ZSCAN1: variants seen among roughly 807,000 people sequenced by gnomAD.
ZSCAN1 encodes zinc finger and SCAN domain-containing protein 1.
ZSCAN1 carries 23 observed loss-of-function variants against 23.8 expected under a neutral mutation model. That is an observed-to-expected ratio of 0.97 (90% CI 0.70 to 1.37). ZSCAN1 has a LOEUF of 1.37. Among genes scored for constraint, ZSCAN1 ranks in the 40% most tolerant of loss-of-function variants. The pLI is 0.00. For synonymous variants in ZSCAN1, 236 were observed against 232.3 expected (o/e 1.02, Z -0.15); for missense variants, 575 against 554.0 (o/e 1.04, Z -0.38).
chr19:58,054,182 G>C lies in ZSCAN1; in HGVS notation c.*131G>C. On this transcript the variant is annotated 3_prime_UTR_variant, in exon 6 of 6. Coordinates refer to ENST00000282326, the MANE Select transcript of ZSCAN1 (RefSeq NM_182572.4). This position sits in a 1 kb window ranked among gnomAD's most constrained non-coding sequence, Gnocchi z 4.2. ...TTGGGACTCCTCTTGAAGGACACAA[G>C]CTGTTTCTCGGAAGACCCTGGACAC... The C allele has an allele frequency of 7.9e-7, 1 of 1,266,420 alleles. No homozygotes were observed. The highest frequency in any genetic ancestry group is 1.1e-6 in the Non-Finnish European group (1 of 951,594). 78.4% of individuals were successfully genotyped at this position (1,266,420 alleles called of 1,614,324 possible). A position where few individuals can be genotyped will look rare whatever the true frequency, so the allele number is the denominator to read the frequency against.
intron 4 of ZSCAN1, chr19:58,046,156 C>T: frequency 1.4e-6 from 1 of 729,790 alleles, no homozygotes; most frequent in Admixed American, 1.9e-5. Context: ...TGCCCCCGTG[C>T]TAGAGGGCTT....
Position 58,045,496 on chromosome 19 carries a change from TCA to T in ZSCAN1, c.465+4953_465+4954del. The T allele has an allele frequency of 1.5e-6, 2 of 1,378,018 alleles. No homozygotes were observed. Among genetic ancestry groups the T allele is most frequent in the Non-Finnish European group, 2.1e-6 (2 of 964,842 alleles). The allele number at this position is 1,378,018 out of a possible 1,614,324, so 85.4% of individuals were successfully genotyped here. A position where few individuals can be genotyped will look rare whatever the true frequency, so the allele number is the denominator to read the frequency against. The stretch of plus-strand genomic sequence containing the variant: ...GGGGAGAGGCCCAGCAATGAGGAAA[TCA>T]TGGGTTTTTCCAAATTATTTGAGGA... On this transcript the variant is annotated intron_variant, in intron 4 of 5. Coordinates refer to ENST00000282326, the MANE Select transcript of ZSCAN1 (RefSeq NM_182572.4). The surrounding 1 kb of genome is among the most constrained non-coding windows in gnomAD (Gnocchi z 4.3).
chr19:58,045,329 G>A lies in ZSCAN1; in HGVS notation c.465+4785G>A. 1 of 795,376 alleles carries A rather than the reference G, an allele frequency of 1.3e-6. No homozygotes were observed. The highest frequency in any genetic ancestry group is 2.3e-6 in the Non-Finnish European group (1 of 432,050). The allele number at this position is 795,376 out of a possible 1,614,324, so 49.3% of individuals were successfully genotyped here. On this transcript the variant is annotated intron_variant, in intron 4 of 5. Transcript: ENST00000282326. This position sits in a 1 kb window ranked among gnomAD's most constrained non-coding sequence, Gnocchi z 4.3. ...CCGAGACTCAGTCCATCAAGGAGAA[G>A]AGGCTGAAGGAGCTTCAGGTCAAGC... is the stretch of plus-strand genomic sequence containing the variant.
At chr19:58,041,561 C>T (rs1365276482) in intron 4 of ZSCAN1, among the ~76,000 whole-genome samples, 1 of 152,226 alleles carries the variant, frequency 6.6e-6, no homozygotes, top group East Asian at 1.9e-4. Context: ...TGGCTTAGTC[C>T]GTTCTGGGTG....
Position 58,045,863 on chromosome 19 carries a change from T to A in ZSCAN1, c.465+5319T>A. The A allele has an allele frequency of 9.4e-7, 1 of 1,067,132 alleles. No homozygotes were observed. Among genetic ancestry groups the A allele is most frequent in the Non-Finnish European group, 1.5e-6 (1 of 681,300 alleles). 66.1% of individuals were successfully genotyped at this position (1,067,132 alleles called of 1,614,324 possible). A position where few individuals can be genotyped will look rare whatever the true frequency, so the allele number is the denominator to read the frequency against. On this transcript the variant is annotated intron_variant, in intron 4 of 5. Coordinates refer to ENST00000282326, the MANE Select transcript of ZSCAN1 (RefSeq NM_182572.4). The surrounding 1 kb of genome is among the most constrained non-coding windows in gnomAD (Gnocchi z 4.3). ...GACACCCTCTTGCCAGCCGACCAGC[T>A]CAAGTCCACACTGCAGACTCTCCCA...
At chr19:58,050,780 A>G (rs1210047686) in intron 4 of ZSCAN1, among the ~76,000 whole-genome samples, 1 of 151,930 alleles carries the variant, frequency 6.6e-6, no homozygotes, top group East Asian at 1.9e-4. Context: ...CTGCCTCCCA[A>G]AGTGCTGGGA....
intron 4 of ZSCAN1, among the ~76,000 whole-genome samples, chr19:58,051,246 T>C (rs2073857029): frequency 6.6e-6 from 1 of 152,070 alleles, no homozygotes; most frequent in Admixed American, 6.6e-5. Context: ...TGGCCCCCAG[T>C]AGCCAGGTAC....
chr19:58,048,941 T>C (rs2073842250), intron 4 of ZSCAN1: 1 of 152,204 alleles, frequency 6.6e-6, no homozygotes, highest in African/African-American at 2.4e-5. Flanking sequence ...GACTTAGCTA[T>C]GTTGCCTACA....
At chr19:58,038,714 C>A (rs929309218) in intron 3 of ZSCAN1, among the ~76,000 whole-genome samples, 9 of 152,264 alleles carry the variant, frequency 5.9e-5, no homozygotes, top group African/African-American at 2.2e-4. Flanking sequence ...CCCCTCTCCC[C>A]TGACAGGGCT....
In ZSCAN1 at chr19:58,054,178, A is replaced by G. The variant is rs2073878224; in HGVS notation, c.*127A>G. The stretch of plus-strand genomic sequence containing the variant: ...CACCTTGGGACTCCTCTTGAAGGAC[A>G]CAAGCTGTTTCTCGGAAGACCCTGG... On this transcript the variant is annotated 3_prime_UTR_variant, in exon 6 of 6. Coordinates refer to ENST00000282326, the MANE Select transcript of ZSCAN1 (RefSeq NM_182572.4). This position sits in a 1 kb window ranked among gnomAD's most constrained non-coding sequence, Gnocchi z 4.2. 1 of 1,282,600 alleles carries G rather than the reference A, an allele frequency of 7.8e-7. No homozygotes were observed. Among genetic ancestry groups the G allele is most frequent in the Non-Finnish European group, 1.0e-6 (1 of 966,180 alleles). 79.5% of individuals were successfully genotyped at this position (1,282,600 alleles called of 1,614,324 possible).
chr19:58,045,836 C>T lies in ZSCAN1; in HGVS notation c.465+5292C>T, dbSNP rs953553990. ...ATCCTGTCCCGGACCATGTAGCTCC[C>T]GGACACCCTCTTGCCAGCCGACCAG... On this transcript the variant is annotated intron_variant, in intron 4 of 5. Coordinates refer to ENST00000282326, the MANE Select transcript of ZSCAN1 (RefSeq NM_182572.4). The surrounding 1 kb of genome is among the most constrained non-coding windows in gnomAD (Gnocchi z 4.3). 32 of 1,296,046 alleles carry T rather than the reference C, an allele frequency of 2.5e-5. No individual in the cohort carries two copies. The highest frequency in any genetic ancestry group is 9.2e-5 in the East Asian group (4 of 43,440). The allele number at this position is 1,296,046 out of a possible 1,614,324, so 80.3% of individuals were successfully genotyped here. A position where few individuals can be genotyped will look rare whatever the true frequency, so the allele number is the denominator to read the frequency against.
chr19:58,055,846 C>T (rs1169472076), downstream of ZSCAN1, among the ~76,000 whole-genome samples: 3 of 151,288 alleles, frequency 2.0e-5, no homozygotes, highest in Non-Finnish European at 4.4e-5. Flanking sequence ...CTGGGCTGGC[C>T]CCAGAGACAT....
downstream of ZSCAN1, among the ~76,000 whole-genome samples, chr19:58,055,133 G>C (rs2073883390): frequency 6.6e-6 from 1 of 152,206 alleles, no homozygotes; most frequent in Non-Finnish European, 1.5e-5. Flanking sequence ...TGGAAACACA[G>C]TGTTGGGCTG....
At chr19:58,041,656 A>G (rs989273011) in intron 4 of ZSCAN1, among the ~76,000 whole-genome samples, 2 of 152,076 alleles carry the variant, frequency 1.3e-5, no homozygotes, top group Admixed American at 6.6e-5. Flanking sequence ...CTGAGGTGGG[A>G]GGACCACTTG....
At position 58,034,403 on chromosome 19, in the gene ZSCAN1, G is replaced by T. The variant is rs987723781; in HGVS notation, c.-152+242G>T. Among the ~76,000 whole-genome samples the T allele has an allele frequency of 7.9e-5, 12 of 151,758 alleles. No individual in the cohort carries two copies. In the South Asian group the frequency reaches 1.7e-3, roughly 21 times the overall value. ...GGGAAGGCTAGAGGCCACGCGGGGC[G>T]GGGACTGGGGGGGCTGGGGCCGCCC... On this transcript the variant is annotated intron_variant, in intron 1 of 5. Transcript: ENST00000282326.
chr19:58,036,641 G>T (rs1329381758), intron 2 of ZSCAN1, among the ~76,000 whole-genome samples: 1 of 149,414 alleles, frequency 6.7e-6, no homozygotes, highest in Non-Finnish European at 1.5e-5. Flanking sequence ...TCAGCCTCCC[G>T]AGTAGCTGGG....
At chr19:58,044,641 G>A (rs1568603915) in intron 4 of ZSCAN1, 5 of 1,043,706 alleles carry the variant, frequency 4.8e-6, no homozygotes, top group East Asian at 2.9e-5. Context: ...CCAGCCTCCC[G>A]CCGCCGCCTC....
intron 4 of ZSCAN1, among the ~76,000 whole-genome samples, chr19:58,050,553 G>A (rs1220508175): frequency 1.3e-5 from 2 of 152,000 alleles, no homozygotes; most frequent in South Asian, 2.1e-4. Flanking sequence ...ACGGCGTCTC[G>A]CTCTGTCGCC....
intron 1 of ZSCAN1, among the ~76,000 whole-genome samples, chr19:58,034,957 T>G (rs1395639533): frequency 1.3e-5 from 2 of 151,792 alleles, no homozygotes. Context: ...ACACGTCTTC[T>G]ATGTCACTAA....
Sources: allele counts gnomAD v4.1 joint callset (sites outside exome capture counted in the v4.1 genomes callset), GRCh38; gene constraint gnomAD v4.1.1; non-coding constraint Gnocchi (gnomAD v3.1); transcripts MANE v1.5; gene names NCBI Gene and HGNC (gene_info 2026-07-23, HGNC 2026-07-21).